ZBBX: variants seen among roughly 807,000 people sequenced by gnomAD.
ZBBX encodes zinc finger B-box domain-containing protein 1.
Under a neutral mutation model 108.5 loss-of-function variants are expected in ZBBX, and 101 were observed. The ratio of observed to expected loss-of-function variants is 0.93; its 90% CI spans 0.79 to 1.10. The LOEUF is 1.10. Ranked by LOEUF, ZBBX falls within the 50% of genes least tolerant of loss-of-function variation. The pLI is 0.00. For synonymous variants in ZBBX, 356 were observed against 323.4 expected, an observed-to-expected ratio of 1.10 and a Z score of -1.08; for missense variants, 1,009 against 941.4, an observed-to-expected ratio of 1.07 and a Z score of -0.94.
chr3:167,199,970 T>C, the ZBBX span, among the ~76,000 whole-genome samples: 2 of 152,192 alleles, frequency 1.3e-5, no homozygotes, highest in African/African-American at 4.8e-5. Flanking sequence ...GGATCCTTCC[T>C]TGATTTTTCT....
intron 20 of ZBBX, among the ~76,000 whole-genome samples, chr3:167,280,524 C>T (rs1371079742): frequency 1.3e-5 from 2 of 150,560 alleles, no homozygotes; most frequent in African/African-American, 4.9e-5. Context: ...CACTGGCCAT[C>T]AGAGAAATGC....
At chr3:167,196,806 G>T in the ZBBX span, among the ~76,000 whole-genome samples, 1 of 151,788 alleles carries the variant, frequency 6.6e-6, no homozygotes, top group Non-Finnish European at 1.5e-5. Context: ...AAAGCATAAA[G>T]AAGTTGTGTT....
upstream of ZBBX, among the ~76,000 whole-genome samples, chr3:167,383,998 TG>T (rs1747826840): frequency 6.6e-6 from 1 of 152,128 alleles, no homozygotes; most frequent in Non-Finnish European, 1.5e-5. Flanking sequence ...AATGAAAAGT[TG>T]TGCTAGGAGC....
Position 167,333,330 on chromosome 3 carries a change from A to G in ZBBX, c.687+497T>C, listed in dbSNP as rs1738983643. ...ATCAATATGTCTATTATAAATATAT[A>G]GACATGAGTTGATAAAAGCTTATCT... On this transcript the variant is annotated intron_variant, in intron 10 of 21. Transcript: ENST00000675490. Among the ~76,000 whole-genome samples the G allele has an allele frequency of 1.3e-5, 2 of 152,128 alleles. 1 individual carries two copies. Among genetic ancestry groups the G allele is most frequent in the South Asian group, 4.1e-4 (2 of 4,820 alleles).
At chr3:167,281,866 T>G (rs57428002) in intron 20 of ZBBX, among the ~76,000 whole-genome samples, 2,639 of 152,304 alleles carry the variant, frequency 0.017, 77 homozygotes, top group African/African-American at 0.06. Context: ...AAAGATCTAA[T>G]GGCTCAATTT....
intron 15 of ZBBX, among the ~76,000 whole-genome samples, chr3:167,314,318 G>A (rs1369584659): frequency 6.6e-6 from 1 of 152,034 alleles, no homozygotes. Context: ...AGATGAATAG[G>A]TAACTGGACC....
At chr3:167,397,560 G>T (rs1290280179) in intron 1 of ZBBX, among the ~76,000 whole-genome samples, 2 of 151,804 alleles carry the variant, frequency 1.3e-5, no homozygotes, top group Non-Finnish European at 2.9e-5. Context: ...GTAGAGAGTT[G>T]TGTTGACCAG....
chr3:167,343,875 GC>G (rs2108458467), intron 9 of ZBBX, among the ~76,000 whole-genome samples: 1 of 151,856 alleles, frequency 6.6e-6, no homozygotes, highest in South Asian at 2.1e-4. Flanking sequence ...TAGGTATCTA[GC>G]CAAGATAACT....
intron 1 of ZBBX, among the ~76,000 whole-genome samples, chr3:167,399,806 C>T (rs1382998005): frequency 1.3e-5 from 2 of 152,074 alleles, no homozygotes; most frequent in Non-Finnish European, 2.9e-5. Flanking sequence ...AAACCTATCA[C>T]CCAGGTAGTG....
At chr3:167,331,109 C>T (rs867441675) in intron 10 of ZBBX, among the ~76,000 whole-genome samples, 8 of 151,948 alleles carry the variant, frequency 5.3e-5, no homozygotes, top group Admixed American at 2.6e-4. Context: ...TTCTAGACTA[C>T]AGAACAGTAG....
chr3:167,297,014 T>A (rs1404956330), intron 18 of ZBBX, among the ~76,000 whole-genome samples: 1 of 151,952 alleles, frequency 6.6e-6, no homozygotes, highest in Non-Finnish European at 1.5e-5. Context: ...GTGATACCAG[T>A]AAAAAGACAG....
At chr3:167,388,451 C>T (rs73169195) in intron 1 of ZBBX, among the ~76,000 whole-genome samples, 2,355 of 151,822 alleles carry the variant, frequency 0.016, 14 homozygotes, top group Non-Finnish European at 0.024. Context: ...AACCAGAGGA[C>T]ATTGGCTATA....
intron 12 of ZBBX, among the ~76,000 whole-genome samples, chr3:167,319,471 A>G (rs75975979): frequency 0.02 from 3,037 of 152,078 alleles, 113 homozygotes; most frequent in African/African-American, 0.07. Flanking sequence ...ATTGCTAAAA[A>G]CCCATAGAAC....
chr3:167,318,297 C>G (rs753593140), intron 12 of ZBBX, among the ~76,000 whole-genome samples: 3 of 151,952 alleles, frequency 2.0e-5, no homozygotes, highest in African/African-American at 4.8e-5. Flanking sequence ...AAAGCCAGAG[C>G]CTTCTCAGTG....
chr3:167,399,828 C>T (rs908345780), intron 1 of ZBBX, among the ~76,000 whole-genome samples: 1 of 152,028 alleles, frequency 6.6e-6, no homozygotes, highest in Admixed American at 6.6e-5. Flanking sequence ...ACATATTACC[C>T]AATAGGTAGT....
intron 20 of ZBBX, among the ~76,000 whole-genome samples, chr3:167,262,811 C>A (rs1194475595): frequency 6.6e-6 from 1 of 152,120 alleles, no homozygotes; most frequent in Non-Finnish European, 1.5e-5. Context: ...GTTGTAATGT[C>A]TTCTTTTTCA....
At chr3:167,285,918 C>G (rs1439952417) in intron 19 of ZBBX, among the ~76,000 whole-genome samples, 1 of 152,114 alleles carries the variant, frequency 6.6e-6, no homozygotes, top group Non-Finnish European at 1.5e-5. Flanking sequence ...ACAGGACAGA[C>G]TAGTCCTTGA....
chr3:167,238,120 C>T (rs986144550), downstream of ZBBX, among the ~76,000 whole-genome samples: 3 of 151,954 alleles, frequency 2.0e-5, no homozygotes, highest in East Asian at 5.8e-4. Context: ...AGCAGATATG[C>T]TAAAATATGT....
intron 1 of ZBBX, among the ~76,000 whole-genome samples, chr3:167,386,478 G>T (rs1035435514): frequency 6.6e-6 from 1 of 151,978 alleles, no homozygotes; most frequent in African/African-American, 2.4e-5. Context: ...GCGTTGATCT[G>T]TAACTCTCAT....
Sources: allele counts gnomAD v4.1 joint callset (sites outside exome capture counted in the v4.1 genomes callset), GRCh38; gene constraint gnomAD v4.1.1; transcripts MANE v1.5; gene names NCBI Gene and HGNC (gene_info 2026-07-23, HGNC 2026-07-21).